The following MDN1 variants were observed in gnomAD, a reference collection of about 807,000 sequenced individuals.
The protein encoded by MDN1 is midasin AAA ATPase 1.
Under a neutral mutation model 669.2 loss-of-function variants are expected in MDN1, and 266 were observed. The ratio of observed to expected loss-of-function variants is 0.40; its 90% CI spans 0.36 to 0.44. The LOEUF (loss-of-function observed/expected upper bound fraction) is 0.44, where lower values mean the gene tolerates loss of function less well. Ranked by LOEUF, MDN1 falls within the 20% of genes least tolerant of loss-of-function variation. The pLI, the probability that MDN1 is intolerant of heterozygous loss-of-function variation, is 1.00. For missense variants in MDN1, 5,940 were observed against 6,754.0 expected, an observed-to-expected ratio of 0.88 and a Z score of 4.22; for synonymous variants, 2,385 against 2,457.1, an observed-to-expected ratio of 0.97 and a Z score of 0.87.
chr6:89,762,704 G>A (rs1403313042), intron 15 of MDN1, among the ~76,000 whole-genome samples, 174 bp from the exon 16 acceptor site: 1 of 152,102 alleles, frequency 6.6e-6, no homozygotes, highest in African/African-American at 2.4e-5. Context: ...TTCCCCCATC[G>A]CAAGCATTTG....
At chr6:89,784,954 A>G in intron 9 of MDN1, 58 bp downstream of exon 9, 3 of 1,140,468 alleles carry the variant, frequency 2.6e-6, no homozygotes, top group Non-Finnish European at 1.3e-6. Flanking sequence ...ACTATTTCCT[A>G]TTTCACGCGG....
At chr6:89,656,660 T>C in intron 91 of MDN1, 40 bp downstream of exon 91, 2 of 1,366,514 alleles carry the variant, frequency 1.5e-6, no homozygotes, top group Non-Finnish European at 2.0e-6. Flanking sequence ...TTTTTCTACA[T>C]GCTGCCTTCA....
At chr6:89,680,036 G>A (rs549850317) in intron 74 of MDN1, among the ~76,000 whole-genome samples, 3 of 152,212 alleles carry the variant, frequency 2.0e-5, no homozygotes, top group Non-Finnish European at 4.4e-5. Flanking sequence ...CTGCAGTTGG[G>A]GGGTAGATGG....
intron 91 of MDN1, 26 bp downstream of exon 91, chr6:89,656,674 A>C: frequency 6.5e-7 from 1 of 1,531,238 alleles, no homozygotes; most frequent in South Asian, 1.2e-5. Flanking sequence ...GCCTTCACCT[A>C]AGTTTAGCTG....
chr6:89,783,515 G>C (rs1818793007), intron 9 of MDN1, among the ~76,000 whole-genome samples: 1 of 152,138 alleles, frequency 6.6e-6, no homozygotes. Flanking sequence ...TTTGCCTTGT[G>C]ATCTTTGTTG....
chr6:89,813,914 A>G (rs1244355227), intron 1 of MDN1, among the ~76,000 whole-genome samples: 2 of 145,448 alleles, frequency 1.4e-5, no homozygotes, highest in African/African-American at 5.0e-5. Context: ...CCTTGTTTCT[A>G]CCTAAGATTT....
intron 97 of MDN1, 30 bp from the exon 98 acceptor site, chr6:89,648,359 A>C (rs1808619114): frequency 1.9e-6 from 3 of 1,591,334 alleles, no homozygotes; most frequent in Non-Finnish European, 1.7e-6. Context: ...TGATTTTAGG[A>C]ATCAGAATAT....
chr6:89,746,611 A>AAAAAAAAGAAAG (rs1554191094), intron 27 of MDN1, among the ~76,000 whole-genome samples: 1 of 40,532 alleles, frequency 2.5e-5, no homozygotes, highest in Non-Finnish European at 4.9e-5. Context: ...AAAAAAAAAA[A>AAAAAAAAGAAAG]AAAGAAAGAA....
At chr6:89,653,394 T>C (rs1432098387) in intron 93 of MDN1, among the ~76,000 whole-genome samples, 9 of 152,170 alleles carry the variant, frequency 5.9e-5, no homozygotes, top group Admixed American at 1.3e-4. Context: ...GAAAGGGAAA[T>C]AGGGGAAATT....
chr6:89,794,291 T>A, intron 3 of MDN1, 84 bp from the exon 4 acceptor site: 1 of 773,124 alleles, frequency 1.3e-6, no homozygotes, highest in Non-Finnish European at 2.1e-6. Context: ...AACTGAACAC[T>A]AGAAAAGGAA....
chr6:89,793,271 T>C (rs1347353405), intron 5 of MDN1, among the ~76,000 whole-genome samples: 1 of 152,226 alleles, frequency 6.6e-6, no homozygotes, highest in African/African-American at 2.4e-5. Flanking sequence ...AGCAAGTAAT[T>C]CTGCCTTTGA....
At chr6:89,667,914 A>G in intron 84 of MDN1, 100 bp downstream of exon 84, 1 of 1,452,288 alleles carries the variant, frequency 6.9e-7, no homozygotes, top group Non-Finnish European at 9.3e-7. Flanking sequence ...TCACAGATTA[A>G]AAATTATTAA....
At chr6:89,769,573 G>A (rs1052583714) in intron 15 of MDN1, among the ~76,000 whole-genome samples, 1 of 152,088 alleles carries the variant, frequency 6.6e-6, no homozygotes, top group Non-Finnish European at 1.5e-5. Flanking sequence ...CACAGCTCAC[G>A]GCAGCCTCAA....
chr6:89,770,367 G>A (rs1443025036), intron 15 of MDN1, among the ~76,000 whole-genome samples: 2 of 146,700 alleles, frequency 1.4e-5, no homozygotes, highest in South Asian at 2.1e-4. Context: ...TCGCGCCACC[G>A]CACTCCAGCC....
Position 89,748,515 on chromosome 6 carries a change from C to A in MDN1, c.3762+708G>T, listed in dbSNP as rs551506125. On this transcript the variant is annotated intron_variant, in intron 26 of 101. Transcript: ENST00000369393. ...TGGAATTTTTAAAGATCAGCTGTAGCTTTGCAGTTGACTAGGGGGAGCCAC... is the reference window on the plus strand; with the variant it reads ...TGGAATTTTTAAAGATCAGCTGTAGATTTGCAGTTGACTAGGGGGAGCCAC... Among the ~76,000 whole-genome samples the A allele has an allele frequency of 1.8e-3, 278 of 152,210 alleles. 1 individual carries two copies. Among genetic ancestry groups the A allele is most frequent in the Admixed American group, 4.5e-3 (69 of 15,288 alleles).
intron 33 of MDN1, among the ~76,000 whole-genome samples, chr6:89,737,129 C>T (rs1055079202): frequency 1.3e-5 from 2 of 152,116 alleles, no homozygotes; most frequent in African/African-American, 2.4e-5. Context: ...GGAAGTTCAA[C>T]AAGGCATGGG....
chr6:89,705,591 C>T (rs1019085354), intron 53 of MDN1, among the ~76,000 whole-genome samples: 11 of 152,164 alleles, frequency 7.2e-5, no homozygotes, highest in Admixed American at 5.2e-4. Context: ...ATACATGAAA[C>T]CACATGGATG....
Position 89,687,487 on chromosome 6 carries a change from AT to A in MDN1, c.11356-50del, listed in dbSNP as rs777622827. On this transcript the variant is annotated intron_variant, in intron 67 of 101. Transcript: ENST00000369393. ...ACTACAGATATTATTCAATGCCATAATCACCTCCTTCCTCAAGAACATCTTG... is the reference window on the plus strand; with the variant it reads ...ACTACAGATATTATTCAATGCCATAACACCTCCTTCCTCAAGAACATCTTG... 7.3e-6 allele frequency: 11 copies of A among 1,509,936 alleles called. No individual in the cohort carries two copies. The Admixed American group carries it at 1.7e-4, about 23-fold the overall frequency. The allele number at this position is 1,509,936 out of a possible 1,614,324, so 93.5% of individuals were successfully genotyped here. A position where few individuals can be genotyped will look rare whatever the true frequency, so the allele number is the denominator to read the frequency against.
At chr6:89,646,322 G>T (rs1808488124) in intron 100 of MDN1, among the ~76,000 whole-genome samples, 1 of 152,122 alleles carries the variant, frequency 6.6e-6, no homozygotes, top group Admixed American at 6.5e-5. Context: ...TTAGTGTCTA[G>T]ATCCCCCATT....
Sources: allele counts gnomAD v4.1 joint callset (sites outside exome capture counted in the v4.1 genomes callset), GRCh38; gene constraint gnomAD v4.1.1; transcripts MANE v1.5; gene names NCBI Gene and HGNC (gene_info 2026-07-23, HGNC 2026-07-21).